Variants in ZNF804A observed in about 807,000 individuals in gnomAD.
ZNF804A encodes zinc finger protein 804A.
Under a neutral mutation model 16.5 loss-of-function variants are expected in ZNF804A, and 2 were observed. The observed-to-expected ratio is 0.12, with a 90% confidence interval of 0.05 to 0.38. The LOEUF is 0.38. Ranked by LOEUF, ZNF804A falls within the 10% of genes least tolerant of loss-of-function variation. The pLI, the probability that ZNF804A is intolerant of heterozygous loss-of-function variation, is 0.99. For synonymous variants in ZNF804A, 534 were observed against 489.6 expected (o/e 1.09, Z -1.20); for missense variants, 1,473 against 1,390.7 (o/e 1.06, Z -0.94).
chr2:184,629,637 G>A (rs920542430), intron 1 of ZNF804A, among the ~76,000 whole-genome samples: 1 of 152,080 alleles, frequency 6.6e-6, no homozygotes, highest in Non-Finnish European at 1.5e-5. Flanking sequence ...GCCTTTTGAG[G>A]TTGATCATTA....
At chr2:184,684,678 A>G (rs1692599598) in intron 1 of ZNF804A, among the ~76,000 whole-genome samples, 1 of 152,168 alleles carries the variant, frequency 6.6e-6, no homozygotes. Flanking sequence ...TCACCCAGTT[A>G]GTGAGCACAG....
At chr2:184,760,261 T>A (rs1325276509) in intron 1 of ZNF804A, among the ~76,000 whole-genome samples, 3 of 152,114 alleles carry the variant, frequency 2.0e-5, no homozygotes, top group Non-Finnish European at 4.4e-5. Flanking sequence ...AACATGACTG[T>A]TTATTTGAAC....
chr2:184,698,863 G>T (rs1001459458), intron 1 of ZNF804A, among the ~76,000 whole-genome samples: 1 of 152,054 alleles, frequency 6.6e-6, no homozygotes, highest in Non-Finnish European at 1.5e-5. Context: ...TAGAAGACAA[G>T]AACTTTTTTA....
chr2:184,852,852 G>C (rs925173289), intron 1 of ZNF804A, among the ~76,000 whole-genome samples: 1 of 151,556 alleles, frequency 6.6e-6, no homozygotes, highest in African/African-American at 2.4e-5. Flanking sequence ...ATATCTTTGT[G>C]GCATATTTTG....
intron 2 of ZNF804A, among the ~76,000 whole-genome samples, chr2:184,887,414 T>C (rs990515308): frequency 6.6e-6 from 1 of 152,230 alleles, no homozygotes; most frequent in Non-Finnish European, 1.5e-5. Context: ...CAAATGCCTA[T>C]TACCCAATTT....
chr2:184,775,949 A>G (rs1450397277), intron 1 of ZNF804A, among the ~76,000 whole-genome samples: 1 of 151,628 alleles, frequency 6.6e-6, no homozygotes, highest in Non-Finnish European at 1.5e-5. Context: ...AATTTTGCTT[A>G]GAAGTATGAT....
At chr2:184,693,700 T>C (rs1047956516) in intron 1 of ZNF804A, among the ~76,000 whole-genome samples, 6 of 152,320 alleles carry the variant, frequency 3.9e-5, no homozygotes, top group Admixed American at 3.3e-4. Context: ...GCATTATTTT[T>C]TTCTTTATTT....
intron 1 of ZNF804A, among the ~76,000 whole-genome samples, chr2:184,856,592 G>A (rs62174664): frequency 0.14 from 21,090 of 152,040 alleles, 1,576 homozygotes; most frequent in Middle Eastern, 0.24. Flanking sequence ...TATCAGTTGC[G>A]TATAAATTCA....
rs147005718 is a variant in ZNF804A, at chr2:184,731,562, C to A, written c.111+132492C>A. On this transcript the variant is annotated intron_variant, in intron 1 of 3. Coordinates refer to ENST00000302277, the MANE Select transcript of ZNF804A (RefSeq NM_194250.2). ...GTGAGATGTCTGTTAAGGTCTTTAA[C>A]GCTTTTTTTTTTTTTTTTTTTTTTT... Among the ~76,000 whole-genome samples, 373 of 139,462 alleles carry A rather than the reference C, an allele frequency of 2.7e-3. 4 individuals are homozygous for A. The highest frequency in any genetic ancestry group is 9.6e-3 in the African/African-American group (357 of 37,064). 91.5% of individuals were successfully genotyped at this position (139,462 alleles called of 152,430 possible).
intron 1 of ZNF804A, among the ~76,000 whole-genome samples, chr2:184,833,583 C>T (rs142772509): frequency 1.2e-4 from 18 of 152,054 alleles, no homozygotes; most frequent in African/African-American, 4.1e-4. Context: ...AATATTGATG[C>T]GTTGTTGGTT....
intron 1 of ZNF804A, among the ~76,000 whole-genome samples, chr2:184,864,461 G>C (rs1044470110): frequency 6.6e-6 from 1 of 152,020 alleles, no homozygotes; most frequent in Non-Finnish European, 1.5e-5. Context: ...TATCCAAACT[G>C]TAAGAGTCAC....
chr2:184,731,431 A>T (rs1248335419), intron 1 of ZNF804A, among the ~76,000 whole-genome samples: 1 of 151,924 alleles, frequency 6.6e-6, no homozygotes, highest in African/African-American at 2.4e-5. Flanking sequence ...CCATTCGAAT[A>T]GATATGTAGT....
intron 1 of ZNF804A, among the ~76,000 whole-genome samples, chr2:184,723,711 A>G (rs1383576347): frequency 6.6e-6 from 1 of 151,740 alleles, no homozygotes; most frequent in Non-Finnish European, 1.5e-5. Context: ...TTAAATGTAT[A>G]TTTTGATCAC....
intron 2 of ZNF804A, among the ~76,000 whole-genome samples, chr2:184,888,459 A>G (rs1684930336): frequency 6.6e-6 from 1 of 152,160 alleles, no homozygotes; most frequent in African/African-American, 2.4e-5. Flanking sequence ...GCTCCACTAA[A>G]GCATCCACCT....
chr2:184,654,120 T>TCTGTGTAG (rs1692036593), intron 1 of ZNF804A, among the ~76,000 whole-genome samples: 1 of 152,190 alleles, frequency 6.6e-6, no homozygotes, highest in South Asian at 2.1e-4. Context: ...AGCTACCTAC[T>TCTGTGTAG]CTAACAAGAT....
At chr2:184,907,033 AT>A (rs970184850) in intron 2 of ZNF804A, among the ~76,000 whole-genome samples, 1 of 152,146 alleles carries the variant, frequency 6.6e-6, no homozygotes, top group African/African-American at 2.4e-5. Context: ...GAAGAACTGA[AT>A]CCTGCCAACA....
chr2:184,865,463 T>C (rs541175394), intron 1 of ZNF804A, among the ~76,000 whole-genome samples: 3 of 152,008 alleles, frequency 2.0e-5, no homozygotes, highest in Non-Finnish European at 2.9e-5. Context: ...GGTTCAGAGA[T>C]CACATGTGGC....
intron 1 of ZNF804A, among the ~76,000 whole-genome samples, chr2:184,808,583 T>C (rs1694846779): frequency 6.6e-6 from 1 of 151,554 alleles, no homozygotes; most frequent in African/African-American, 2.4e-5. Flanking sequence ...CATTTAGTTT[T>C]CAAATTATTT....
chr2:184,904,402 T>C (rs72907759), intron 2 of ZNF804A, among the ~76,000 whole-genome samples: 64,294 of 151,462 alleles, frequency 0.42, 16,560 homozygotes, highest in East Asian at 0.82. Flanking sequence ...TCAACCATTG[T>C]CAGGTGGCAT....
Sources: allele counts gnomAD v4.1 joint callset (sites outside exome capture counted in the v4.1 genomes callset), GRCh38; gene constraint gnomAD v4.1.1; transcripts MANE v1.5; gene names NCBI Gene and HGNC (gene_info 2026-07-23, HGNC 2026-07-21).